The following LBP variants were observed in gnomAD, a reference collection of about 807,000 sequenced individuals.
The protein encoded by LBP is lipopolysaccharide-binding protein.
Under a neutral mutation model 56.6 loss-of-function variants are expected in LBP, and 53 were observed. The observed-to-expected ratio is 0.94, with a 90% CI of 0.75 to 1.18. The LOEUF is 1.18. Ranked by LOEUF, LBP falls within the 50% of genes most tolerant of loss-of-function variation. The pLI is 0.00. For synonymous variants in LBP, 227 were observed against 247.5 expected, an observed-to-expected ratio of 0.92 and a Z score of 0.78; for missense variants, 601 against 598.3, an observed-to-expected ratio of 1.00 and a Z score of -0.05.
chr20:38,376,389 G>C (rs113826326), intron 14 of LBP, among the ~76,000 whole-genome samples: 5 of 152,292 alleles, frequency 3.3e-5, no homozygotes, highest in African/African-American at 9.6e-5. Context: ...TTAGAGGCCT[G>C]CCGGGCAGCA....
In LBP at chr20:38,376,786, G is replaced by A. The variant is rs1280054199; in HGVS notation, c.*117G>A. ...AGACATTTCTGCTCTCAGCTCCGGG[G>A]GTGAGGTGTGCCTGGCCTCTGCCTC... On this transcript the variant is annotated 3_prime_UTR_variant, in exon 15 of 15. Coordinates refer to ENST00000217407, the MANE Select transcript of LBP (RefSeq NM_004139.5). 8.7e-6 allele frequency: 9 copies of A among 1,033,770 alleles called. No individual in the cohort carries two copies. Among genetic ancestry groups the A allele is most frequent in the Admixed American group, 5.1e-5 (3 of 58,436 alleles). 64.0% of individuals were successfully genotyped at this position (1,033,770 alleles called of 1,614,324 possible).
intron 1 of LBP, among the ~76,000 whole-genome samples, chr20:38,347,115 C>A (rs1196155482): frequency 3.9e-5 from 6 of 152,208 alleles, no homozygotes; most frequent in African/African-American, 1.4e-4. Context: ...TGAGGGAGGT[C>A]TGCCGGGGTG....
At chr20:38,351,418 G>T (rs911476950) in intron 3 of LBP, among the ~76,000 whole-genome samples, 1 of 152,046 alleles carries the variant, frequency 6.6e-6, no homozygotes, top group Non-Finnish European at 1.5e-5. Context: ...CCAGCCCCAC[G>T]CTGTCACCCC....
chr20:38,356,463 T>C (rs2076841407), intron 5 of LBP, among the ~76,000 whole-genome samples: 1 of 144,152 alleles, frequency 6.9e-6, no homozygotes, highest in African/African-American at 2.7e-5. Context: ...CACCCTCGTC[T>C]GTAGGTCCAA....
intron 3 of LBP, among the ~76,000 whole-genome samples, chr20:38,352,883 A>T (rs1568827634): frequency 6.6e-6 from 1 of 152,178 alleles, no homozygotes; most frequent in African/African-American, 2.4e-5. Flanking sequence ...TGTTGAAATC[A>T]TACTATGTAT....
Position 38,376,919 on chromosome 20 carries a change from G to A in LBP, c.*250G>A, listed in dbSNP as rs1414505289. 3.1e-6 allele frequency: 2 copies of A among 651,786 alleles called. No homozygotes were observed. The highest frequency in any genetic ancestry group is 5.7e-6 in the Non-Finnish European group (2 of 352,338). 40.4% of individuals were successfully genotyped at this position (651,786 alleles called of 1,614,324 possible). ...CGACTGGCCTGGGATATCTTTACAA[G>A]CAGGCACTGTATTTTTTTATTCGCC... On this transcript the variant is annotated 3_prime_UTR_variant, in exon 15 of 15. Coordinates refer to ENST00000217407, the MANE Select transcript of LBP (RefSeq NM_004139.5).
chr20:38,356,448 ACAC>A (rs2076841147), intron 5 of LBP, among the ~76,000 whole-genome samples: 5 of 115,050 alleles, frequency 4.3e-5, no homozygotes, highest in Non-Finnish European at 8.7e-5. Flanking sequence ...ACACACACAC[ACAC>A]ACACCCTCGT....
chr20:38,361,088 GA>G (rs2076858569), intron 6 of LBP, among the ~76,000 whole-genome samples: 1 of 150,840 alleles, frequency 6.6e-6, no homozygotes, highest in Non-Finnish European at 1.5e-5. Flanking sequence ...ATTGAACCCA[GA>G]AGGTGGAGGT....
At chr20:38,346,699 T>G in intron 1 of LBP, 59 bp downstream of exon 1, 1 of 1,604,354 alleles carries the variant, frequency 6.2e-7, no homozygotes. Context: ...CTGCTCTGGG[T>G]ACAGTGGGGA....
intron 9 of LBP, 147 bp downstream of exon 9, chr20:38,366,975 T>A: frequency 1.4e-6 from 1 of 735,750 alleles, no homozygotes; most frequent in Non-Finnish European, 2.4e-6. Context: ...GCTGCTCCTT[T>A]CAAAGCCTAA....
At chr20:38,370,602 T>C in intron 10 of LBP, 136 bp from the exon 11 acceptor site, 1 of 738,964 alleles carries the variant, frequency 1.4e-6, no homozygotes. Flanking sequence ...TGGGAGTCTA[T>C]GATCTAGTGG....
chr20:38,376,687 C>A lies in LBP; in HGVS notation c.*18C>A. Reference sequence around the variant, plus strand: ...GAGTTTGAGGACAAGAAAGATGAAGCTTGGAGGTCACAGCTGGATCTGCTT... The same window carrying A: ...GAGTTTGAGGACAAGAAAGATGAAGATTGGAGGTCACAGCTGGATCTGCTT... On this transcript the variant is annotated 3_prime_UTR_variant, in exon 15 of 15. Transcript: ENST00000217407. The A allele has an allele frequency of 1.2e-6, 2 of 1,610,184 alleles. No individual in the cohort carries two copies. The highest frequency in any genetic ancestry group is 1.1e-5 in the South Asian group (1 of 90,986).
At chr20:38,369,374 C>A (rs1050972451) in intron 10 of LBP, among the ~76,000 whole-genome samples, 3 of 152,134 alleles carry the variant, frequency 2.0e-5, no homozygotes, top group Admixed American at 2.0e-4. Context: ...CATTATCTTT[C>A]TTCTCAGCGT....
At chr20:38,375,473 T>C (rs35133348) in intron 14 of LBP, among the ~76,000 whole-genome samples, 104,048 of 151,466 alleles carry the variant, frequency 0.69, 36,414 homozygotes, top group African/African-American at 0.83. Flanking sequence ...CCCAGCTACT[T>C]AGGAGGCTGA....
chr20:38,357,718 G>A (rs377507906), intron 5 of LBP, among the ~76,000 whole-genome samples: 3 of 152,180 alleles, frequency 2.0e-5, no homozygotes, highest in South Asian at 2.1e-4. Context: ...CTGCTCAGTC[G>A]CGTATACTTG....
chr20:38,364,489 C>T, intron 7 of LBP, 87 bp from the exon 8 acceptor site: 1 of 1,243,278 alleles, frequency 8.0e-7, no homozygotes, highest in Non-Finnish European at 1.2e-6. Flanking sequence ...AGCCAGCGTC[C>T]CTTCATCGGA....
chr20:38,364,831 G>A, intron 8 of LBP, 79 bp downstream of exon 8: 1 of 1,300,562 alleles, frequency 7.7e-7, no homozygotes, highest in South Asian at 1.4e-5. Flanking sequence ...CACCCCTGTT[G>A]ACATCAGTCA....
At chr20:38,353,673 G>A (rs553902411) in intron 3 of LBP, among the ~76,000 whole-genome samples, 2 of 152,064 alleles carry the variant, frequency 1.3e-5, no homozygotes, top group South Asian at 4.2e-4. Flanking sequence ...TTGTGCCAAT[G>A]TGCACTCTCC....
intron 6 of LBP, among the ~76,000 whole-genome samples, chr20:38,362,346 C>G (rs2076863761): frequency 1.4e-5 from 2 of 144,592 alleles, no homozygotes. Flanking sequence ...GGCGTGAGAG[C>G]TCACGCCTGT....
Sources: allele counts gnomAD v4.1 joint callset (sites outside exome capture counted in the v4.1 genomes callset), GRCh38; gene constraint gnomAD v4.1.1; transcripts MANE v1.5; gene names NCBI Gene and HGNC (gene_info 2026-07-23, HGNC 2026-07-21).